Variants in SLC22A4 observed in about 807,000 individuals in gnomAD.
SLC22A4 encodes solute carrier family 22 member 4, also known as ET transporter.
In SLC22A4, 39 loss-of-function variants were observed where a neutral mutation model predicts 56.6. The observed-to-expected ratio is 0.69, with a 90% CI of 0.53 to 0.90. The LOEUF is 0.90. Ranked by LOEUF, SLC22A4 falls within the 40% of genes least tolerant of loss-of-function variation. SLC22A4 has a pLI of 0.00. For synonymous variants in SLC22A4, 241 were observed against 281.4 expected (o/e 0.86, Z 1.44); for missense variants, 594 against 696.5 (o/e 0.85, Z 1.66).
At chr5:132,329,786 T>C (rs1251677444) in intron 5 of SLC22A4, among the ~76,000 whole-genome samples, 3 of 152,204 alleles carry the variant, frequency 2.0e-5, no homozygotes, top group Non-Finnish European at 4.4e-5. Flanking sequence ...GGACAACCAC[T>C]GGATACAAGC....
At chr5:132,308,292 C>A (rs1436253620) in intron 1 of SLC22A4, among the ~76,000 whole-genome samples, 2 of 150,884 alleles carry the variant, frequency 1.3e-5, no homozygotes, top group Non-Finnish European at 1.5e-5. Context: ...AGGGCAGGGA[C>A]CATGTCTTTC....
chr5:132,320,629 AG>A (rs913216214), intron 3 of SLC22A4, among the ~76,000 whole-genome samples: 1 of 152,154 alleles, frequency 6.6e-6, no homozygotes, highest in Non-Finnish European at 1.5e-5. Context: ...GCCTCTTGAG[AG>A]GGACCCACTG....
intron 1 of SLC22A4, among the ~76,000 whole-genome samples, chr5:132,308,022 A>C (rs1403154977): frequency 6.6e-6 from 1 of 152,248 alleles, no homozygotes; most frequent in Non-Finnish European, 1.5e-5. Context: ...ATATTCATTC[A>C]ACAATTTGTT....
chr5:132,323,070 T>G (rs950622644), intron 4 of SLC22A4, among the ~76,000 whole-genome samples: 8 of 152,232 alleles, frequency 5.3e-5, no homozygotes. Context: ...CTTTTTCATA[T>G]TTAAGCAAGA....
chr5:132,328,466 G>C (rs1407089767), intron 5 of SLC22A4, among the ~76,000 whole-genome samples: 1 of 152,164 alleles, frequency 6.6e-6, no homozygotes, highest in Non-Finnish European at 1.5e-5. Flanking sequence ...TAGAGGCTTA[G>C]ACTGGCCATG....
chr5:132,322,116 C>A, intron 3 of SLC22A4, 68 bp from the exon 4 acceptor site: 1 of 1,396,964 alleles, frequency 7.2e-7, no homozygotes, highest in Non-Finnish European at 1.0e-6. Flanking sequence ...CTAACTGCCA[C>A]ATAATGATAT....
At chr5:132,318,646 C>A (rs1469896087) in intron 3 of SLC22A4, among the ~76,000 whole-genome samples, 2 of 152,136 alleles carry the variant, frequency 1.3e-5, no homozygotes, top group Non-Finnish European at 2.9e-5. Flanking sequence ...CTGAGTCACT[C>A]CCTCTTGGAG....
intron 2 of SLC22A4, among the ~76,000 whole-genome samples, chr5:132,313,100 T>A (rs1750230385): frequency 6.6e-6 from 1 of 152,234 alleles, no homozygotes; most frequent in Non-Finnish European, 1.5e-5. Context: ...TCTGGGAAAC[T>A]TTCCCAAATC....
At chr5:132,342,688 A>C (rs576716483) in intron 9 of SLC22A4, among the ~76,000 whole-genome samples, 5 of 152,336 alleles carry the variant, frequency 3.3e-5, no homozygotes, top group African/African-American at 1.2e-4. Context: ...TGCTAGAATG[A>C]CTCACAGCAC....
intron 5 of SLC22A4, among the ~76,000 whole-genome samples, chr5:132,329,641 C>T (rs561709987): frequency 1.3e-5 from 2 of 152,294 alleles, no homozygotes; most frequent in East Asian, 3.9e-4. Flanking sequence ...GTAGCATTAA[C>T]TTGGATAGGA....
At position 132,304,931 on chromosome 5, in the gene SLC22A4, G is replaced by A. The variant is rs145364765; in HGVS notation, c.394-7230G>A. ...ATCAAATAGAGAATAGCAATAAAGAGAGAAAAATTACATTTATATTTTTAA... is the reference window on the plus strand; with the variant it reads ...ATCAAATAGAGAATAGCAATAAAGAAAGAAAAATTACATTTATATTTTTAA... On this transcript the variant is annotated intron_variant, in intron 1 of 9. Transcript: ENST00000200652. Among the ~76,000 whole-genome samples the A allele has an allele frequency of 1.6e-3, 246 of 152,246 alleles. 2 individuals are homozygous for A. Among genetic ancestry groups the A allele is most frequent in the African/African-American group, 5.7e-3 (235 of 41,534 alleles).
At chr5:132,337,723 C>G (rs1751068804) in intron 8 of SLC22A4, among the ~76,000 whole-genome samples, 1 of 150,970 alleles carries the variant, frequency 6.6e-6, no homozygotes, top group African/African-American at 2.4e-5. Flanking sequence ...GAACTGACTG[C>G]TCATGTTCTT....
chr5:132,305,974 A>C (rs1750018571), intron 1 of SLC22A4, among the ~76,000 whole-genome samples: 1 of 152,160 alleles, frequency 6.6e-6, no homozygotes, highest in African/African-American at 2.4e-5. Flanking sequence ...CAATAGATTC[A>C]ATGCAAAAGA....
At chr5:132,310,089 A>G (rs1750144330) in intron 1 of SLC22A4, among the ~76,000 whole-genome samples, 1 of 152,222 alleles carries the variant, frequency 6.6e-6, no homozygotes, top group African/African-American at 2.4e-5. Flanking sequence ...CTGGTATCAC[A>G]TTCCTTGAAG....
intron 9 of SLC22A4, among the ~76,000 whole-genome samples, chr5:132,343,209 C>T (rs781016045): frequency 1.3e-5 from 2 of 152,090 alleles, no homozygotes; most frequent in African/African-American, 4.8e-5. Flanking sequence ...TTTAGAGTTT[C>T]GAGTAACACT....
chr5:132,322,467 G>A (rs1006810831), intron 4 of SLC22A4, 112 bp downstream of exon 4: 12 of 1,037,682 alleles, frequency 1.2e-5, no homozygotes, highest in Admixed American at 5.5e-5. Context: ...CACGGAACTC[G>A]CGGAGGCCAG....
chr5:132,314,198 T>C lies in SLC22A4; in HGVS notation c.652+430T>C, dbSNP rs115443471. ...GCCAGTACACAGGTGGGGAGGCTCA[T>C]GTCAGACAGGGGGAGTTCAGTGCCA... On this transcript the variant is annotated intron_variant, in intron 3 of 9. Coordinates refer to ENST00000200652, the MANE Select transcript of SLC22A4 (RefSeq NM_003059.3). 9.0e-3 allele frequency among the ~76,000 whole-genome samples: 1,372 copies of C among 152,262 alleles called. 16 individuals are homozygous for C. The highest frequency in any genetic ancestry group is 0.031 in the African/African-American group (1,293 of 41,552).
At chr5:132,313,877 T>C (rs1249400817) in intron 3 of SLC22A4, 109 bp downstream of exon 3, 2 of 1,237,888 alleles carry the variant, frequency 1.6e-6, no homozygotes, top group Non-Finnish European at 2.4e-6. Context: ...TTTGGATATA[T>C]GTGTCTTGGG....
At chr5:132,340,037 A>T (rs1336671707) in intron 8 of SLC22A4, among the ~76,000 whole-genome samples, 64 of 150,502 alleles carry the variant, frequency 4.3e-4, no homozygotes. Flanking sequence ...TACTGATTTA[A>T]TCTGAAGTGA....
Sources: allele counts gnomAD v4.1 joint callset (sites outside exome capture counted in the v4.1 genomes callset), GRCh38; gene constraint gnomAD v4.1.1; transcripts MANE v1.5; gene names NCBI Gene and HGNC (gene_info 2026-07-23, HGNC 2026-07-21).